The following TNRC6C variants were observed in gnomAD, a reference collection of about 807,000 sequenced individuals.
TNRC6C encodes trinucleotide repeat containing adaptor 6C, also known as trinucleotide repeat-containing gene 6C protein.
TNRC6C carries 20 observed loss-of-function variants against 153.7 expected under a neutral mutation model. That is an observed-to-expected ratio of 0.13 (90% CI 0.09 to 0.19). The LOEUF is 0.19. TNRC6C is among the 10% of genes least tolerant of loss of function. The pLI is 1.00. For synonymous variants in TNRC6C, 811 were observed against 841.4 expected (o/e 0.96, Z 0.63); for missense variants, 1,987 against 2,172.0 (o/e 0.91, Z 1.69).
chr17:77,989,277 A>T (rs1029335808), intron 1 of TNRC6C, among the ~76,000 whole-genome samples: 9 of 152,258 alleles, frequency 5.9e-5, no homozygotes, highest in African/African-American at 2.2e-4. Context: ...CCATGCAAGT[A>T]AGACTATTAG....
intron 2 of TNRC6C, among the ~76,000 whole-genome samples, chr17:78,042,914 G>A (rs754694612): frequency 6.6e-6 from 1 of 152,110 alleles, no homozygotes; most frequent in African/African-American, 2.4e-5. Context: ...AATTAGCTCA[G>A]TATGCAATAC....
chr17:77,988,872 A>G (rs1240140798), intron 1 of TNRC6C, among the ~76,000 whole-genome samples: 2 of 152,256 alleles, frequency 1.3e-5, no homozygotes, highest in Non-Finnish European at 2.9e-5. Context: ...ATTCTGGATC[A>G]TCTTCATTTC....
At chr17:78,010,679 G>A (rs909846137) in intron 1 of TNRC6C, among the ~76,000 whole-genome samples, 1 of 152,070 alleles carries the variant, frequency 6.6e-6, no homozygotes, top group Non-Finnish European at 1.5e-5. Context: ...TTAGGGGATG[G>A]CATCTTTTAG....
intron 2 of TNRC6C, 112 bp downstream of exon 4, chr17:78,031,954 C>A: frequency 1.2e-6 from 1 of 841,788 alleles, no homozygotes; most frequent in Non-Finnish European, 1.6e-6. Flanking sequence ...ACAACATACA[C>A]AGAGACAGAC....
intron 1 of TNRC6C, among the ~76,000 whole-genome samples, chr17:77,986,891 A>G (rs1260813157): frequency 1.3e-5 from 2 of 152,228 alleles, no homozygotes; most frequent in Non-Finnish European, 2.9e-5. Flanking sequence ...CCTAGTGTCT[A>G]CCACATACCA....
exon 6 of TNRC6C, chr17:78,071,141 A>G: frequency 1.9e-6 from 3 of 1,606,274 alleles, no homozygotes; most frequent in Non-Finnish European, 2.6e-6. Flanking sequence ...GGCTGATCAA[A>G]CAACTCACAG....
intron 1 of TNRC6C, among the ~76,000 whole-genome samples, chr17:78,022,924 C>T (rs559476065): frequency 1.7e-4 from 26 of 152,196 alleles, no homozygotes; most frequent in Non-Finnish European, 3.2e-4. Context: ...ATAAACAATA[C>T]AGTATAACAG....
chr17:77,992,656 A>G (rs1435774979), intron 1 of TNRC6C, among the ~76,000 whole-genome samples: 2 of 152,182 alleles, frequency 1.3e-5, no homozygotes, highest in African/African-American at 4.8e-5. Flanking sequence ...AAGATGATTT[A>G]ATAAAGCCTA....
In TNRC6C at chr17:78,049,908, T is replaced by C. The variant is rs770432155; in HGVS notation, c.846T>C (p.Asn282=). The C allele has an allele frequency of 8.2e-5, 132 of 1,613,904 alleles. No individual in the cohort carries two copies. The highest frequency in any genetic ancestry group is 9.6e-5 in the Non-Finnish European group (113 of 1,179,894). Reference sequence around the variant, plus strand: ...ACTCAGCATTAAGTGCTAAACAAAATGGATCCAGCAGTGCTGTGCAAAAGG... The same window carrying C: ...ACTCAGCATTAAGTGCTAAACAAAACGGATCCAGCAGTGCTGTGCAAAAGG... The change falls in exon 3 of 20, where the codon AAT becomes AAC. Residue 282 remains asparagine (N), a synonymous_variant. Transcript: ENST00000301624. The surrounding 1 kb of genome is among the most constrained non-coding windows in gnomAD (Gnocchi z 4.1).
At chr17:78,088,959 CTTTTTTTTTT>C (rs59304499) in intron 13 of TNRC6C, among the ~76,000 whole-genome samples, 8 of 86,698 alleles carry the variant, frequency 9.2e-5, no homozygotes. Context: ...CTTATCGTTA[CTTTTTTTTTT>C]TTTTTTTTTT....
rs368827781 is a variant in TNRC6C at position 78,050,376 on chromosome 17, T to C, written c.1314T>C (p.Asp438=). Reference sequence around the variant, plus strand: ...GGCACATCCAGTTGCCAAGGAATGATCTTGACCCAAGAGTTCTGTCTAATA... The same window carrying C: ...GGCACATCCAGTTGCCAAGGAATGACCTTGACCCAAGAGTTCTGTCTAATA... Residue 438 remains aspartate, a synonymous_variant, in exon 3 of 20, where the codon GAT becomes GAC. Coordinates refer to ENST00000301624, the Ensembl canonical transcript of TNRC6C. 3.2e-4 allele frequency: 518 copies of C among 1,613,656 alleles called. 1 individual carries two copies. Among genetic ancestry groups the C allele is most frequent in the Admixed American group, 1.5e-3 (89 of 59,990 alleles).
chr17:78,039,251 G>A (rs2072243123), intron 2 of TNRC6C, among the ~76,000 whole-genome samples: 1 of 151,646 alleles, frequency 6.6e-6, no homozygotes, highest in Non-Finnish European at 1.5e-5. Flanking sequence ...CTGTGTTTGA[G>A]AACCAGTTGA....
At chr17:78,055,036 A>G (rs1752334379) in intron 3 of TNRC6C, among the ~76,000 whole-genome samples, 1 of 152,248 alleles carries the variant, frequency 6.6e-6, no homozygotes. Context: ...TCAGCACTGT[A>G]CACCACTGCA....
chr17:78,051,469 T>C (rs942837352), intron 3 of TNRC6C, 21 bp downstream of exon 5: 1 of 1,347,574 alleles, frequency 7.4e-7, no homozygotes, highest in South Asian at 2.1e-5. Context: ...TATTTCATGT[T>C]TCTTTACAAG....
chr17:78,004,114 A>T (rs532039626), upstream of TNRC6C: 23 of 1,230,758 alleles, frequency 1.9e-5, no homozygotes, highest in African/African-American at 2.9e-4. Context: ...GTGCTTTTTC[A>T]TTGTTTGACT....
At chr17:77,971,934 T>C (rs2070943086) in intron 1 of TNRC6C, among the ~76,000 whole-genome samples, 1 of 151,150 alleles carries the variant, frequency 6.6e-6, no homozygotes, top group South Asian at 2.1e-4. Flanking sequence ...GAGAGAAATG[T>C]ATAGCTTTAA....
intron 1 of TNRC6C, among the ~76,000 whole-genome samples, chr17:77,980,633 A>G (rs2071062462): frequency 6.6e-6 from 1 of 152,172 alleles, no homozygotes; most frequent in Non-Finnish European, 1.5e-5. Flanking sequence ...TCACAGGTTG[A>G]AGACTCAGTC....
intron 1 of TNRC6C, among the ~76,000 whole-genome samples, chr17:77,961,215 G>A (rs1477834612): frequency 6.6e-6 from 1 of 151,368 alleles, no homozygotes; most frequent in African/African-American, 2.4e-5. Flanking sequence ...GAGTGCAATG[G>A]CACGATCTCG....
rs1384176990 is a variant in TNRC6C at position 78,066,838 on chromosome 17, T to G, written c.2612-919T>G. 3 of 152,180 alleles carry G rather than the reference T, an allele frequency of 2.0e-5. 1 individual carries two copies. The South Asian group carries it at 6.2e-4, about 32-fold the overall frequency. 9.4% of individuals were successfully genotyped at this position (152,180 alleles called of 1,614,324 possible). ...GGGCCCAACCTCAGGCCTGCCAGACTTCACATGATCCAGCTGACTGTCACG... is the reference window on the plus strand; with the variant it reads ...GGGCCCAACCTCAGGCCTGCCAGACGTCACATGATCCAGCTGACTGTCACG... On this transcript the variant is annotated intron_variant, in intron 4 of 19. Coordinates refer to ENST00000301624, the Ensembl canonical transcript of TNRC6C.
Sources: gnomAD v4.1 joint callset for allele counts (sites outside exome capture counted in the v4.1 genomes callset) on GRCh38, gnomAD v4.1.1 for gene constraint, Gnocchi (gnomAD v3.1) non-coding constraint, MANE v1.5 for transcripts, NCBI Gene and HGNC (gene_info 2026-07-23, HGNC 2026-07-21) for gene names.